SLC24A2: variants seen among roughly 807,000 people sequenced by gnomAD.
SLC24A2 encodes solute carrier family 24 member 2.
A neutral mutation model predicts 62.0 loss-of-function variants in SLC24A2; 36 were observed. The ratio of observed to expected loss-of-function variants is 0.58; its 90% CI spans 0.44 to 0.77. The LOEUF is 0.77. SLC24A2 is among the 30% of genes least tolerant of loss of function. The pLI, the probability that SLC24A2 is intolerant of heterozygous loss-of-function variation, is 0.00. For missense variants in SLC24A2, 846 were observed against 817.9 expected (o/e 1.03, Z -0.42); for synonymous variants, 358 against 294.0 (o/e 1.22, Z -2.23).
intron 2 of SLC24A2, 71 bp from the exon 3 acceptor site, chr9:19,622,370 C>G (rs953406626): frequency 1.4e-6 from 2 of 1,428,580 alleles, no homozygotes; most frequent in Admixed American, 1.8e-5. Context: ...ATGGCATTTA[C>G]ATTTAATAAC....
the SLC24A2 span, chr9:19,958,044 G>T: frequency 3.9e-5 from 6 of 152,432 alleles, no homozygotes; most frequent in Non-Finnish European, 1.5e-5. Context: ...TCATGGTAGG[G>T]GGGACACACA....
chr9:19,688,563 G>GA (rs59706696), intron 2 of SLC24A2, among the ~76,000 whole-genome samples: 19,576 of 151,942 alleles, frequency 0.13, 2,028 homozygotes, highest in African/African-American at 0.29. Context: ...CAAAGAAAAA[G>GA]AAAAAAGCTG....
At chr9:19,850,158 A>C in the SLC24A2 span, among the ~76,000 whole-genome samples, 1 of 152,224 alleles carries the variant, frequency 6.6e-6, no homozygotes, top group South Asian at 2.1e-4. Context: ...AAAATAATTA[A>C]AAATAAATTA....
chr9:19,834,895 G>C, the SLC24A2 span, among the ~76,000 whole-genome samples: 2 of 152,192 alleles, frequency 1.3e-5, no homozygotes, highest in Non-Finnish European at 2.9e-5. Flanking sequence ...AACCCTACAA[G>C]CCAGAAGAGA....
the SLC24A2 span, among the ~76,000 whole-genome samples, chr9:20,095,384 G>A: frequency 6.6e-6 from 1 of 152,212 alleles, no homozygotes; most frequent in Non-Finnish European, 1.5e-5. Flanking sequence ...TATTCTGGGT[G>A]TTTCTGTAAG....
the SLC24A2 span, among the ~76,000 whole-genome samples, chr9:20,016,758 T>C: frequency 6.6e-6 from 1 of 151,664 alleles, no homozygotes; most frequent in Admixed American, 6.6e-5. Flanking sequence ...CACACAAATG[T>C]AGAAAAAGAT....
chr9:19,834,143 A>G, the SLC24A2 span, among the ~76,000 whole-genome samples: 1 of 152,110 alleles, frequency 6.6e-6, no homozygotes, highest in South Asian at 2.1e-4. Flanking sequence ...GAGCAGAAAA[A>G]CTGGAAACTC....
At chr9:20,105,413 C>G in the SLC24A2 span, among the ~76,000 whole-genome samples, 1 of 151,692 alleles carries the variant, frequency 6.6e-6, no homozygotes, top group Non-Finnish European at 1.5e-5. Flanking sequence ...CAGCACCACA[C>G]CACACCTATT....
At chr9:20,080,099 C>T in the SLC24A2 span, among the ~76,000 whole-genome samples, 3 of 152,306 alleles carry the variant, frequency 2.0e-5, no homozygotes, top group Admixed American at 6.5e-5. Flanking sequence ...CTACCAATGA[C>T]TTTCTTCACA....
chr9:19,701,030 A>C (rs913779759), intron 2 of SLC24A2, among the ~76,000 whole-genome samples: 3 of 152,200 alleles, frequency 2.0e-5, no homozygotes, highest in African/African-American at 7.2e-5. Context: ...GCTAAGATTA[A>C]AGTATCAGAG....
chr9:20,279,224 A>G, the SLC24A2 span, among the ~76,000 whole-genome samples: 12 of 152,186 alleles, frequency 7.9e-5, no homozygotes, highest in African/African-American at 2.4e-4. Context: ...CAAATCATAT[A>G]AGCATATATT....
At chr9:20,234,375 A>C in the SLC24A2 span, among the ~76,000 whole-genome samples, 2 of 152,362 alleles carry the variant, frequency 1.3e-5, no homozygotes, top group South Asian at 4.1e-4. Context: ...AGTCAGACGT[A>C]GATTTGGTCT....
chr9:19,681,881 T>C (rs1272809062), intron 2 of SLC24A2, among the ~76,000 whole-genome samples: 1 of 152,176 alleles, frequency 6.6e-6, no homozygotes, highest in Non-Finnish European at 1.5e-5. Flanking sequence ...TTAACCTTTA[T>C]CTAAGAAGCA....
At chr9:20,180,173 ATTTAC>A in the SLC24A2 span, among the ~76,000 whole-genome samples, 10 of 152,182 alleles carry the variant, frequency 6.6e-5, no homozygotes, top group Non-Finnish European at 1.3e-4. Context: ...GATTGTAAAA[ATTTAC>A]TTAACTCCTC....
the SLC24A2 span, among the ~76,000 whole-genome samples, chr9:20,059,415 C>T: frequency 6.6e-6 from 1 of 152,098 alleles, no homozygotes; most frequent in Non-Finnish European, 1.5e-5. Context: ...AAACAAGTCT[C>T]CATAAATTTT....
chr9:19,896,708 C>T, the SLC24A2 span, among the ~76,000 whole-genome samples: 2 of 152,162 alleles, frequency 1.3e-5, no homozygotes, highest in Non-Finnish European at 2.9e-5. Context: ...ATATCCTTCA[C>T]AGCATTATGG....
In SLC24A2 at chr9:19,515,609, T is replaced by G. The variant is rs1832890172; in HGVS notation, c.*544A>C. 6.6e-6 allele frequency: 1 copy of G among 152,292 alleles called. No homozygotes were observed. Among genetic ancestry groups the G allele is most frequent in the Non-Finnish European group, 1.5e-5 (1 of 68,168 alleles). The allele number at this position is 152,292 out of a possible 1,614,324, so 9.4% of individuals were successfully genotyped here. On this transcript the variant is annotated 3_prime_UTR_variant, in exon 11 of 11. Coordinates refer to ENST00000341998, the MANE Select transcript of SLC24A2 (RefSeq NM_020344.4). ...TAAGAGGTAAAGCCCAGACTGCAAGTTGATGCCCCTCTTCAAATAAGTACT... is the reference window on the plus strand; with the variant it reads ...TAAGAGGTAAAGCCCAGACTGCAAGGTGATGCCCCTCTTCAAATAAGTACT...
the SLC24A2 span, among the ~76,000 whole-genome samples, chr9:19,817,870 A>T: frequency 1.3e-5 from 2 of 151,984 alleles, no homozygotes; most frequent in Non-Finnish European, 2.9e-5. Context: ...AGTAGCTGGG[A>T]CTACAGGTAC....
At chr9:19,618,523 A>G (rs1817827037) in intron 4 of SLC24A2, among the ~76,000 whole-genome samples, 1 of 152,144 alleles carries the variant, frequency 6.6e-6, no homozygotes, top group Non-Finnish European at 1.5e-5. Flanking sequence ...TTCCTTACCT[A>G]TTATTCTGAG....
Sources: gnomAD v4.1 joint callset for allele counts (sites outside exome capture counted in the v4.1 genomes callset) on GRCh38, gnomAD v4.1.1 for gene constraint, MANE v1.5 for transcripts, NCBI Gene and HGNC (gene_info 2026-07-23, HGNC 2026-07-21) for gene names.